CCAR1: variants seen among roughly 807,000 people sequenced by gnomAD.
CCAR1 encodes the protein cell division cycle and apoptosis regulator protein 1.
CCAR1 carries 78 observed loss-of-function variants against 163.8 expected under a neutral mutation model. The observed-to-expected ratio is 0.48, with a 90% confidence interval of 0.40 to 0.57. The LOEUF (loss-of-function observed/expected upper bound fraction) is 0.57. CCAR1 is among the 20% of genes least tolerant of loss of function. CCAR1 has a pLI of 0.00. For missense variants in CCAR1, 1,019 were observed against 1,365.2 expected, an observed-to-expected ratio of 0.75 and a Z score of 4.00; for synonymous variants, 443 against 460.7, an observed-to-expected ratio of 0.96 and a Z score of 0.49.
At position 68,761,080 on chromosome 10, in the gene CCAR1, G is replaced by A. The variant is rs2056464324; in HGVS notation, c.1994G>A (p.Arg665Gln). The A allele has an allele frequency of 1.9e-6, 3 of 1,607,206 alleles. No homozygotes were observed. Among genetic ancestry groups the A allele is most frequent in the African/African-American group, 1.4e-5 (1 of 73,906 alleles). ...SKGLKSQLIA[R>Q]LTKQLKVEEQ... is the part of the protein sequence containing the mutation. ...GGATTAAAATCCCAGTTAATAGCCC[G>A]ATTGACAAAACAGCTTAAAGTAGAG... The change falls in exon 16 of 25, where the codon CGA (arginine) becomes CAA (glutamine). Residue 665 changes from arginine to glutamine, a missense_variant. Around this residue, in one of 4 missense-constraint regions of CCAR1, gnomAD observed 644 missense variants for 904.4 expected, o/e 0.71. Coordinates refer to ENST00000265872, the MANE Select transcript of CCAR1 (RefSeq NM_018237.4).
chr10:68,727,540 C>T (rs2055966918), intron 2 of CCAR1, among the ~76,000 whole-genome samples: 1 of 152,122 alleles, frequency 6.6e-6, no homozygotes, highest in East Asian at 1.9e-4. Flanking sequence ...TTTTAGAATA[C>T]AGTTCAGATT....
chr10:68,764,727 A>T (rs1318660885), intron 16 of CCAR1, among the ~76,000 whole-genome samples: 2 of 152,162 alleles, frequency 1.3e-5, no homozygotes, highest in Non-Finnish European at 2.9e-5. Context: ...CTATCTACCA[A>T]TCAGATACTC....
At chr10:68,772,494 A>C (rs562455704) in intron 18 of CCAR1, among the ~76,000 whole-genome samples, 36 of 152,038 alleles carry the variant, frequency 2.4e-4, no homozygotes, top group South Asian at 4.2e-4. Context: ...AAAAAAACAA[A>C]AAAAAAAAAG....
chr10:68,777,555 G>A (rs1031735675), intron 19 of CCAR1, among the ~76,000 whole-genome samples: 14 of 152,110 alleles, frequency 9.2e-5, no homozygotes, highest in African/African-American at 2.9e-4. Context: ...ATGGTGGCGC[G>A]CACCTGTAAT....
At position 68,786,569 on chromosome 10, in the gene CCAR1, C is replaced by A; in HGVS notation, c.2757C>A (p.Ile919=). ...AGGAAAAAGAAAAGACTCAAATGAT[C>A]ACAATTAACAGAGATCTGTTAATGG... is the stretch of plus-strand genomic sequence containing the variant. The part of the protein sequence containing the change: ...KDKEKEKTQM[I]TINRDLLMAF... The change falls in exon 21 of 25, where the codon ATC becomes ATA. Residue 919 remains isoleucine, a synonymous_variant. Coordinates refer to ENST00000265872, the MANE Select transcript of CCAR1 (RefSeq NM_018237.4). 2 of 1,564,684 alleles carry A rather than the reference C, an allele frequency of 1.3e-6. No individual in the cohort carries two copies. The highest frequency in any genetic ancestry group is 1.2e-5 in the South Asian group (1 of 83,016).
chr10:68,727,518 A>G (rs1184628465), intron 2 of CCAR1, among the ~76,000 whole-genome samples: 2 of 152,196 alleles, frequency 1.3e-5, no homozygotes, highest in South Asian at 4.1e-4. Flanking sequence ...CTGCAAAAGT[A>G]TCTTCAAAGA....
chr10:68,735,972 C>T (rs903044371), intron 2 of CCAR1: 1 of 152,190 alleles, frequency 6.6e-6, no homozygotes, highest in Non-Finnish European at 1.5e-5. Flanking sequence ...CCTGCCTCAG[C>T]CTCCTGAGTT....
chr10:68,767,475 A>T (rs1037053367), intron 17 of CCAR1, among the ~76,000 whole-genome samples: 13 of 152,072 alleles, frequency 8.5e-5, no homozygotes, highest in African/African-American at 3.1e-4. Context: ...CAAACTCCTG[A>T]CCTCAAGTGA....
intron 5 of CCAR1, among the ~76,000 whole-genome samples, chr10:68,742,081 T>G (rs781781215): frequency 5.9e-5 from 9 of 152,208 alleles, no homozygotes; most frequent in Admixed American, 5.9e-4. Context: ...GAAAATAGTT[T>G]TGTGGTCAAA....
intron 17 of CCAR1, 29 bp from the exon 18 acceptor site, chr10:68,771,177 G>A: frequency 2.6e-6 from 4 of 1,543,046 alleles, no homozygotes; most frequent in Non-Finnish European, 3.5e-6. Context: ...TTGAAATTTG[G>A]CTAGGTTCAT....
At position 68,747,507 on chromosome 10, in the gene CCAR1, C is replaced by T; in HGVS notation, c.767C>T (p.Ser256Phe). The part of the protein sequence containing the change: ...SLLQAQISAA[S>F]ITPLLQTQPQ... ...CTGCAGGCACAGATTTCAGCAGCTT[C>T]TATTACACCACTATTGCAGACTCAA... Residue 256 changes from serine to phenylalanine, a missense_variant, in exon 8 of 25, where the codon TCT becomes TTT. Physicochemically the swap from Ser to Phe is radical, Grantham distance 155. Coordinates refer to ENST00000265872, the MANE Select transcript of CCAR1 (RefSeq NM_018237.4). The T allele has an allele frequency of 6.2e-7, 1 of 1,614,166 alleles. No individual in the cohort carries two copies. Among genetic ancestry groups the T allele is most frequent in the Non-Finnish European group, 8.5e-7 (1 of 1,180,016 alleles).
chr10:68,789,947 A>C (rs1425141199), intron 24 of CCAR1, 32 bp downstream of exon 24: 3 of 1,381,506 alleles, frequency 2.2e-6, no homozygotes, highest in East Asian at 4.7e-5. Flanking sequence ...ACATTTTCTT[A>C]GTTTTAAAAA....
Position 68,753,908 on chromosome 10 carries a change from G to C in CCAR1, c.1175G>C (p.Ser392Thr). 1 of 1,614,038 alleles carries C rather than the reference G, an allele frequency of 6.2e-7. No individual in the cohort carries two copies. Among genetic ancestry groups the C allele is most frequent in the South Asian group, 1.1e-5 (1 of 91,082 alleles). The change falls in exon 11 of 25, where the codon AGT (serine) becomes ACT (threonine). Residue 392 changes from serine (S) to threonine (T), a missense_variant. Transcript: ENST00000265872. ...RRRYQNLYIP[S>T]DFFDAQFTWV... ...CGTTATCAAAATTTGTATATACCTA[G>C]TGACTTTTTTGATGCTCAATTTACA...
In CCAR1 at chr10:68,761,183, C is replaced by T. The variant is rs973666696; in HGVS notation, c.2097C>T (p.Asp699=). 9 of 1,593,692 alleles carry T rather than the reference C, an allele frequency of 5.6e-6. No individual in the cohort carries two copies. The highest frequency in any genetic ancestry group is 2.7e-5 in the African/African-American group (2 of 73,506). ...AGGATGATGATAGGAAATCTGAAGA[C>T]GATAAAGAGGTATGTACTCAATCTA... The part of the protein sequence containing the change: ...EDEDDDRKSE[D]DKEEEERKRQ... Residue 699 remains aspartate (D), a synonymous_variant, in exon 16 of 25, where the codon GAC becomes GAT. Transcript: ENST00000265872.
intron 17 of CCAR1, among the ~76,000 whole-genome samples, chr10:68,770,670 G>A (rs866491242): frequency 6.6e-6 from 1 of 152,156 alleles, no homozygotes; most frequent in African/African-American, 2.4e-5. Flanking sequence ...TTGAACTCGG[G>A]AAGCAGAGGT....
intron 17 of CCAR1, among the ~76,000 whole-genome samples, chr10:68,770,136 T>G (rs886080565): frequency 6.6e-6 from 1 of 152,140 alleles, no homozygotes; most frequent in African/African-American, 2.4e-5. Flanking sequence ...AAATGTCACC[T>G]TATCAGAGAG....
At position 68,781,163 on chromosome 10, in the gene CCAR1, GC is replaced by G. The variant is rs199696465; in HGVS notation, c.2651-4972del. ...CATGAGAATTGTTTGAACCAGAGAG[GC>G]GGAGGTTGCAATGACCTGAGATCAC... On this transcript the variant is annotated intron_variant, in intron 19 of 24. Transcript: ENST00000265872. Among the ~76,000 whole-genome samples, 707 of 150,816 alleles carry G rather than the reference GC, an allele frequency of 4.7e-3. 2 individuals are homozygous for G. Among genetic ancestry groups the G allele is most frequent in the African/African-American group, 0.016 (664 of 40,940 alleles).
intron 2 of CCAR1, among the ~76,000 whole-genome samples, chr10:68,730,483 G>A (rs1028367294): frequency 2.0e-4 from 31 of 151,294 alleles, no homozygotes; most frequent in African/African-American, 5.6e-4. Context: ...GACTACAGGC[G>A]CGTGCCACCA....
intron 17 of CCAR1, 26 bp from the exon 18 acceptor site, chr10:68,771,180 A>G (rs757785685): frequency 1.9e-6 from 3 of 1,548,972 alleles, no homozygotes; most frequent in East Asian, 2.3e-5. Flanking sequence ...AAATTTGGCT[A>G]GGTTCATGTT....
Sources: allele counts gnomAD v4.1 joint callset (sites outside exome capture counted in the v4.1 genomes callset), GRCh38; gene constraint gnomAD v4.1.1; regional missense constraint gnomAD v4.1.1; transcripts MANE v1.5; gene names NCBI Gene and HGNC (gene_info 2026-07-23, HGNC 2026-07-21).